Variants in ZFYVE16 observed in about 807,000 individuals in gnomAD.
ZFYVE16 encodes the protein zinc finger FYVE domain-containing protein 16.
ZFYVE16 carries 89 observed loss-of-function variants against 138.1 expected under a neutral mutation model. The observed-to-expected ratio is 0.64, with a 90% CI of 0.54 to 0.77. ZFYVE16 has a LOEUF of 0.77. Ranked by LOEUF, ZFYVE16 falls within the 30% of genes least tolerant of loss-of-function variation. ZFYVE16 has a pLI of 0.00. For synonymous variants in ZFYVE16, 596 were observed against 618.3 expected, an observed-to-expected ratio of 0.96 and a Z score of 0.53; for missense variants, 1,793 against 1,786.7, an observed-to-expected ratio of 1.00 and a Z score of -0.06.
At chr5:80,464,998 T>C (rs200854421) in intron 15 of ZFYVE16, among the ~76,000 whole-genome samples, 2 of 13,944 alleles carry the variant, frequency 1.4e-4, no homozygotes, top group Non-Finnish European at 3.4e-3. Flanking sequence ...TGTTTATACA[T>C]TATGTGCCCA....
intron 1 of ZFYVE16, among the ~76,000 whole-genome samples, chr5:80,408,974 C>T (rs1165389883): frequency 2.7e-5 from 1 of 36,634 alleles, no homozygotes; most frequent in African/African-American, 4.5e-5. Flanking sequence ...TATAATTTTT[C>T]GCCTAATTTC....
At position 80,454,664 on chromosome 5, in the gene ZFYVE16, G is replaced by A. The variant is rs532625895; in HGVS notation, c.3608-1028G>A. 17 of 152,356 alleles carry A rather than the reference G, an allele frequency of 1.1e-4. 1 individual carries two copies. The highest frequency in any genetic ancestry group is 1.9e-4 in the East Asian group (1 of 5,166). 9.4% of individuals were successfully genotyped at this position (152,356 alleles called of 1,614,324 possible). A position where few individuals can be genotyped will look rare whatever the true frequency, so the allele number is the denominator to read the frequency against. Reference sequence around the variant, plus strand: ...TGGGACTACAGGTGCCCGCCACCACGCCCGGCTAATTTTGTTTTTGTATTT... The same window carrying A: ...TGGGACTACAGGTGCCCGCCACCACACCCGGCTAATTTTGTTTTTGTATTT... On this transcript the variant is annotated intron_variant, in intron 11 of 18. Coordinates refer to ENST00000505560, the MANE Select transcript of ZFYVE16 (RefSeq NM_001284236.3).
rs551424902 is a variant in ZFYVE16, at chr5:80,417,281, C to T, written c.-94+9128C>T. 3.9e-5 allele frequency among the ~76,000 whole-genome samples: 6 copies of T among 152,292 alleles called. No homozygotes were observed. In the South Asian group the frequency reaches 1.2e-3, roughly 32 times the overall value. On this transcript the variant is annotated intron_variant, in intron 1 of 18. Transcript: ENST00000505560. ...AAGGTCAGCACCTTATTCCTACGTC[C>T]CCTGTGATGAGGTTGTTTCATACAT...
chr5:80,441,959 C>A (rs1675584968), intron 5 of ZFYVE16: 1 of 967,670 alleles, frequency 1.0e-6, no homozygotes, highest in Non-Finnish European at 1.2e-6. Context: ...AAGCAGAGAG[C>A]AAAATAGAAG....
rs903402130 is a variant in ZFYVE16, at chr5:80,444,755, TTATATA to T, written c.2582-500_2582-495del. Among the ~76,000 whole-genome samples the T allele has an allele frequency of 2.8e-3, 427 of 151,310 alleles. 2 individuals are homozygous for T. The highest frequency in any genetic ancestry group is 9.9e-3 in the African/African-American group (410 of 41,348). On this transcript the variant is annotated intron_variant, in intron 6 of 18. Transcript: ENST00000505560. ...TAGGTTTTTAAATTTCTTTTTTTCT[TTATATA>T]TATATATGAAGAATATATAGATAAG...
At chr5:80,462,806 T>G (rs1204638139) in intron 15 of ZFYVE16, among the ~76,000 whole-genome samples, 1 of 152,170 alleles carries the variant, frequency 6.6e-6, no homozygotes, top group Non-Finnish European at 1.5e-5. Flanking sequence ...GTTGGGTAAA[T>G]ACACCCGTTC....
chr5:80,461,058 G>T (rs902464788), intron 15 of ZFYVE16, among the ~76,000 whole-genome samples: 1 of 151,958 alleles, frequency 6.6e-6, no homozygotes, highest in East Asian at 1.9e-4. Context: ...TACAGATTAG[G>T]CATTCCAAAT....
chr5:80,425,731 T>G (rs1747887321), intron 1 of ZFYVE16, among the ~76,000 whole-genome samples: 1 of 152,050 alleles, frequency 6.6e-6, no homozygotes, highest in African/African-American at 2.4e-5. Flanking sequence ...TTTGATTAGA[T>G]TCAGATGCAG....
rs1285188574 is a variant in ZFYVE16 at position 80,479,600 on chromosome 5, A to G, written c.*2223A>G. Among the ~76,000 whole-genome samples the G allele has an allele frequency of 6.6e-6, 1 of 152,198 alleles. No individual in the cohort carries two copies. The highest frequency in any genetic ancestry group is 1.5e-5 in the Non-Finnish European group (1 of 68,026). On this transcript the variant is annotated 3_prime_UTR_variant, in exon 19 of 19. Transcript: ENST00000505560. ...TGTGGGAAACTACTTGTTTCTGAAA[A>G]TTGCATGCTAGGATATTTACATCAT...
rs1750215816 is a variant in ZFYVE16 at position 80,438,190 on chromosome 5, C to T, written c.1505C>T (p.Thr502Ile). 1 of 1,613,742 alleles carries T rather than the reference C, an allele frequency of 6.2e-7. No homozygotes were observed. Among genetic ancestry groups the T allele is most frequent in the South Asian group, 1.1e-5 (1 of 91,076 alleles). The change falls in exon 4 of 19, where the codon ACT (threonine) becomes ATT (isoleucine). Residue 502 changes from threonine (T) to isoleucine (I), a missense_variant. Physicochemically the swap from Thr to Ile is moderately conservative, Grantham distance 89. This residue lies in a region of ZFYVE16 where 1,295 missense variants were observed against 1,204.3 expected (regional missense o/e 1.08). Transcript: ENST00000505560. Reference sequence around the variant, plus strand: ...GATTGTTGTGAAGGTTTTATTAATACTTTTTCAAGCAATGATATGGATGGG... The same window carrying T: ...GATTGTTGTGAAGGTTTTATTAATATTTTTTCAAGCAATGATATGGATGGG... ...SSDCCEGFIN[T>I]FSSNDMDGQD...
chr5:80,423,706 T>G (rs1228998131), intron 1 of ZFYVE16, among the ~76,000 whole-genome samples: 2 of 151,320 alleles, frequency 1.3e-5, no homozygotes, highest in Non-Finnish European at 2.9e-5. Context: ...TGGCTAATTT[T>G]TTTTGTATTT....
chr5:80,460,266 G>C (rs1415635956), intron 15 of ZFYVE16, among the ~76,000 whole-genome samples: 1 of 152,092 alleles, frequency 6.6e-6, no homozygotes, highest in African/African-American at 2.4e-5. Flanking sequence ...TATTGGACAT[G>C]CATGTTGCCT....
At chr5:80,421,804 T>C (rs973256485) in intron 1 of ZFYVE16, among the ~76,000 whole-genome samples, 1 of 152,198 alleles carries the variant, frequency 6.6e-6, no homozygotes, top group African/African-American at 2.4e-5. Context: ...ATATGAACTT[T>C]AAAGTAGTTT....
In ZFYVE16 at chr5:80,477,399, A is replaced by G. The variant is rs750807080; in HGVS notation, c.*22A>G. On this transcript the variant is annotated 3_prime_UTR_variant, in exon 19 of 19. Coordinates refer to ENST00000505560, the MANE Select transcript of ZFYVE16 (RefSeq NM_001284236.3). The stretch of plus-strand genomic sequence containing the variant: ...TTAGTGAAAGAATGTGCCATATTAC[A>G]TATTGCAACCTAATTTGTTAAAACT... 4.4e-6 allele frequency: 7 copies of G among 1,592,536 alleles called. No homozygotes were observed. Among genetic ancestry groups the G allele is most frequent in the African/African-American group, 2.7e-5 (2 of 73,618 alleles).
In ZFYVE16 at chr5:80,451,722, G is replaced by T. The variant is rs567823092; in HGVS notation, c.3607+13G>T. The T allele has an allele frequency of 6.3e-7, 1 of 1,595,784 alleles. No homozygotes were observed. The highest frequency in any genetic ancestry group is 1.7e-4 in the Middle Eastern group (1 of 5,966). On this transcript the variant is annotated intron_variant, in intron 11 of 18. Coordinates refer to ENST00000505560, the MANE Select transcript of ZFYVE16 (RefSeq NM_001284236.3). The stretch of plus-strand genomic sequence containing the variant: ...GCAGAATATAAAGGTAAGTTTTAGA[G>T]TAATAAGTTAAATTGCATATTTTCA...
chr5:80,455,751 C>T lies in ZFYVE16; in HGVS notation c.3667C>T (p.His1223Tyr). 1 of 1,591,576 alleles carries T rather than the reference C, an allele frequency of 6.3e-7. No individual in the cohort carries two copies. The highest frequency in any genetic ancestry group is 8.5e-7 in the Non-Finnish European group (1 of 1,174,132). Residue 1223 changes from histidine (H) to tyrosine (Y), a missense_variant, in exon 12 of 19, where the codon CAC becomes TAC. His to Tyr is a moderately conservative substitution (Grantham distance 83). Coordinates refer to ENST00000505560, the MANE Select transcript of ZFYVE16 (RefSeq NM_001284236.3). ...AAAACCTCTTTTTGGAGAAATAGGA[C>T]ACACTATTATGAACTTACTTGTTGT... is the stretch of plus-strand genomic sequence containing the variant. Reference protein sequence around the residue: ...GRKPLFGEIGHTIMNLLVDLR... With the variant: ...GRKPLFGEIGYTIMNLLVDLR...
At chr5:80,414,520 A>AT (rs1745920919) in intron 1 of ZFYVE16, among the ~76,000 whole-genome samples, 1 of 152,070 alleles carries the variant, frequency 6.6e-6, no homozygotes, top group African/African-American at 2.4e-5. Context: ...ATGGTCAACC[A>AT]TTTTTTTATT....
chr5:80,428,227 T>G (rs955811689), intron 2 of ZFYVE16, among the ~76,000 whole-genome samples: 1 of 151,976 alleles, frequency 6.6e-6, no homozygotes, highest in Non-Finnish European at 1.5e-5. Context: ...GACTGACAAC[T>G]CACATGGCCG....
chr5:80,433,477 A>G lies in ZFYVE16; in HGVS notation c.-39-632A>G, dbSNP rs368914671. Among the ~76,000 whole-genome samples the G allele has an allele frequency of 7.9e-5, 12 of 152,244 alleles. No individual in the cohort carries two copies. In the East Asian group the frequency reaches 2.1e-3, roughly 27 times the overall value. ...TGGGAGGGATAGCATTAGGAGATAT[A>G]CCTAATGTAAATGATGAGTTAATGG... On this transcript the variant is annotated intron_variant, in intron 2 of 18. Coordinates refer to ENST00000505560, the MANE Select transcript of ZFYVE16 (RefSeq NM_001284236.3).
Sources: gnomAD v4.1 joint callset for allele counts (sites outside exome capture counted in the v4.1 genomes callset) on GRCh38, gnomAD v4.1.1 for gene constraint, gnomAD v4.1.1 regional missense constraint, MANE v1.5 for transcripts, NCBI Gene and HGNC (gene_info 2026-07-23, HGNC 2026-07-21) for gene names.